Variants in BCAN observed in about 807,000 individuals in gnomAD.
The protein encoded by BCAN is brevican core protein.
Under a neutral mutation model 92.4 loss-of-function variants are expected in BCAN, and 51 were observed. The observed-to-expected ratio is 0.55, with a 90% CI of 0.44 to 0.70. BCAN has a LOEUF of 0.70. Ranked by LOEUF, BCAN falls within the 30% of genes least tolerant of loss-of-function variation. The pLI is 0.00. For missense variants in BCAN, 1,140 were observed against 1,212.1 expected, an observed-to-expected ratio of 0.94 and a Z score of 0.88; for synonymous variants, 501 against 505.2, an observed-to-expected ratio of 0.99 and a Z score of 0.11.
rs1679367898 is a variant in BCAN, at chr1:156,657,298, G to A, written c.2209+202G>A. 4 of 807,396 alleles carry A rather than the reference G, an allele frequency of 5.0e-6. No individual in the cohort carries two copies. In the Admixed American group the frequency reaches 1.2e-4, roughly 24 times the overall value. The allele number at this position is 807,396 out of a possible 1,614,324, so 50.0% of individuals were successfully genotyped here. A position where few individuals can be genotyped will look rare whatever the true frequency, so the allele number is the denominator to read the frequency against. On this transcript the variant is annotated intron_variant, in intron 10 of 13. Transcript: ENST00000329117. Reference sequence around the variant, plus strand: ...AGGCAGTGGCCTTCGGGAACGGAGAGTGGAGGTTCGCGCAGTAGAGTGCGC... The same window carrying A: ...AGGCAGTGGCCTTCGGGAACGGAGAATGGAGGTTCGCGCAGTAGAGTGCGC...
In BCAN at chr1:156,652,532, G is replaced by A. The variant is rs776866917; in HGVS notation, c.1582G>A (p.Glu528Lys). The A allele has an allele frequency of 1.2e-6, 2 of 1,613,334 alleles. No individual in the cohort carries two copies. The highest frequency in any genetic ancestry group is 2.2e-5 in the South Asian group (2 of 90,910). Residue 528 changes from glutamate (E) to lysine (K), a missense_variant, in exon 8 of 14, where the codon GAA (glutamate) becomes AAA (lysine). By Grantham distance (56) the Glu-to-Lys change is moderately conservative. This residue lies in a region of BCAN where 825 missense variants were observed against 871.8 expected (regional missense o/e 0.95). Coordinates refer to ENST00000329117, the MANE Select transcript of BCAN (RefSeq NM_021948.5). ...GASPLPDGES[E>K]ASRPPRVHGP... is the part of the protein sequence containing the mutation. The stretch of plus-strand genomic sequence containing the variant: ...ATCACCACTTCCTGATGGAGAGTCA[G>A]AAGCTTCCAGGCCTCCAAGGGTCCA...
Position 156,658,352 on chromosome 1 carries a change from G to C in BCAN, c.2437+81G>C. The C allele has an allele frequency of 6.4e-7, 1 of 1,561,876 alleles. No individual in the cohort carries two copies. On this transcript the variant is annotated intron_variant, in intron 12 of 13. Transcript: ENST00000329117. The surrounding 1 kb of genome is among the most constrained non-coding windows in gnomAD (Gnocchi z 4.4). ...CCAGAGGGACTGATGTTTGTAGACA[G>C]AGAGTGCAAAGCAACATAGAGGAGT... is the stretch of plus-strand genomic sequence containing the variant.
chr1:156,656,178 A>G (rs1438799517), intron 8 of BCAN, 104 bp from the exon 9 acceptor site: 4 of 694,254 alleles, frequency 5.8e-6, no homozygotes, highest in Non-Finnish European at 8.9e-6. Context: ...CTTCCAGGAC[A>G]GAGAGACCAG....
chr1:156,659,157 C>T lies in BCAN; in HGVS notation c.*23C>T, dbSNP rs369312585. 9.7e-5 allele frequency: 149 copies of T among 1,529,796 alleles called. No homozygotes were observed. Among genetic ancestry groups the T allele is most frequent in the African/African-American group, 8.3e-4 (60 of 72,576 alleles). 94.8% of individuals were successfully genotyped at this position (1,529,796 alleles called of 1,614,324 possible). On this transcript the variant is annotated 3_prime_UTR_variant, in exon 14 of 14. Transcript: ENST00000329117. Reference sequence around the variant, plus strand: ...TAGGGGGCAAGGCCTTGAACACTGCCGGCCACAGCACTGCCCTGTCACCCA... The same window carrying T: ...TAGGGGGCAAGGCCTTGAACACTGCTGGCCACAGCACTGCCCTGTCACCCA...
At chr1:156,643,114 AC>A (rs1678844523) in intron 1 of BCAN, 1 of 152,208 alleles carries the variant, frequency 6.6e-6, no homozygotes, top group African/African-American at 2.4e-5. Flanking sequence ...TCCAAGGGGC[AC>A]CATTATTATC....
Position 156,658,314 on chromosome 1 carries a change from G to T in BCAN, c.2437+43G>T. 6.2e-7 allele frequency: 1 copy of T among 1,605,084 alleles called. No homozygotes were observed. Among genetic ancestry groups the T allele is most frequent in the Non-Finnish European group, 8.5e-7 (1 of 1,175,054 alleles). On this transcript the variant is annotated intron_variant, in intron 12 of 13. Transcript: ENST00000329117. This position sits in a 1 kb window ranked among gnomAD's most constrained non-coding sequence, Gnocchi z 4.4. ...AGGGTCCCAGCAAGGAAGTGGAGGG[G>T]TGGGCTAGGGGACCAGAGGGACTGA...
Position 156,652,288 on chromosome 1 carries a change from A to G in BCAN, c.1338A>G (p.Ser446=), listed in dbSNP as rs1679190006. 2 of 1,609,820 alleles carry G rather than the reference A, an allele frequency of 1.2e-6. No individual in the cohort carries two copies. Among genetic ancestry groups the G allele is most frequent in the African/African-American group, 1.3e-5 (1 of 74,820 alleles). ...TQSMVPPTGF[S]EEEGKALEEE... The stretch of plus-strand genomic sequence containing the variant: ...CCATGGTACCGCCCACGGGGTTCTC[A>G]GAAGAGGAAGGTAAGGCATTGGAGG... Residue 446 remains serine (S), a synonymous_variant, in exon 8 of 14, where the codon TCA becomes TCG. Coordinates refer to ENST00000329117, the MANE Select transcript of BCAN (RefSeq NM_021948.5).
intron 8 of BCAN, chr1:156,653,448 C>G: frequency 1.0e-6 from 1 of 990,302 alleles, no homozygotes; most frequent in Non-Finnish European, 1.2e-6. Flanking sequence ...GGAAATAAAT[C>G]TCTATTAAAC....
rs1278148864 is a variant in BCAN, at chr1:156,646,856, C to T, written c.147C>T (p.Leu49=). 8.1e-6 allele frequency: 13 copies of T among 1,606,378 alleles called. No individual in the cohort carries two copies. The highest frequency in any genetic ancestry group is 1.0e-5 in the Non-Finnish European group (12 of 1,176,338). The change falls in exon 3 of 14, where the codon CTC becomes CTT. Residue 49 remains leucine, a synonymous_variant. Coordinates refer to ENST00000329117, the MANE Select transcript of BCAN (RefSeq NM_021948.5). The part of the protein sequence containing the change: ...IAGDAPLQGV[L]GGALTIPCHV... The stretch of plus-strand genomic sequence containing the variant: ...GCGACGCGCCACTGCAGGGCGTGCT[C>T]GGCGGCGCCCTCACCATCCCTTGCC...
rs756822830 is a variant in BCAN at position 156,656,336 on chromosome 1, A to C, written c.1997A>C (p.Glu666Ala). Reference sequence around the variant, plus strand: ...GGTGGGACATGCTTGGAGGAGGAGGAAGGGGTCCGCTGCCTATGTCTGCCT... The same window carrying C: ...GGTGGGACATGCTTGGAGGAGGAGGCAGGGGTCCGCTGCCTATGTCTGCCT... ...HNGGTCLEEEEGVRCLCLPGY... is the reference protein window; with the variant it reads ...HNGGTCLEEEAGVRCLCLPGY... The change falls in exon 9 of 14, where the codon GAA (glutamate) becomes GCA (alanine). Residue 666 changes from glutamate to alanine, a missense_variant. Transcript: ENST00000329117. 10 of 1,424,502 alleles carry C rather than the reference A, an allele frequency of 7.0e-6. No individual in the cohort carries two copies. The highest frequency in any genetic ancestry group is 9.1e-6 in the Non-Finnish European group (10 of 1,093,720). The allele number at this position is 1,424,502 out of a possible 1,614,324, so 88.2% of individuals were successfully genotyped here. A position where few individuals can be genotyped will look rare whatever the true frequency, so the allele number is the denominator to read the frequency against.
Position 156,646,969 on chromosome 1 carries a change from A to G in BCAN, c.260A>G (p.Glu87Gly), listed in dbSNP as rs1391059307. The G allele has an allele frequency of 2.5e-6, 4 of 1,612,734 alleles. No homozygotes were observed. The highest frequency in any genetic ancestry group is 3.4e-6 in the Non-Finnish European group (4 of 1,179,566). ...VKWTFLSRGR[E>G]AEVLVARGVR... is the part of the protein sequence containing the mutation. ...TGGACTTTCCTGTCCCGGGGCCGGG[A>G]GGCAGAGGTGCTGGTGGCGCGGGGA... is the stretch of plus-strand genomic sequence containing the variant. The change falls in exon 3 of 14, where the codon GAG becomes GGG. Residue 87 changes from glutamate to glycine, a missense_variant. Glu to Gly is a moderately conservative substitution (Grantham distance 98, BLOSUM62 -2). This residue lies in a region of BCAN where 286 missense variants were observed against 284.1 expected (regional missense o/e 1.01). Transcript: ENST00000329117.
At chr1:156,653,018 C>G (rs762109007) in intron 8 of BCAN, 126 bp downstream of exon 8, 1 of 1,523,510 alleles carries the variant, frequency 6.6e-7, no homozygotes, top group South Asian at 1.3e-5. Flanking sequence ...CCTTTGCCTT[C>G]ATTCTCTTAC....
intron 1 of BCAN, chr1:156,644,638 T>C (rs1251451278): frequency 6.6e-6 from 1 of 151,728 alleles, no homozygotes; most frequent in Non-Finnish European, 1.5e-5. Context: ...CCAGACACAG[T>C]GGGGGAGATG....
chr1:156,651,064 C>A (rs1228804445), intron 6 of BCAN, among the ~76,000 whole-genome samples: 1 of 152,250 alleles, frequency 6.6e-6, no homozygotes, highest in Non-Finnish European at 1.5e-5. Flanking sequence ...TAGGGAATAT[C>A]TCTCACCTGA....
Position 156,648,763 on chromosome 1 carries a change from G to A in BCAN, c.965G>A (p.Cys322Tyr), listed in dbSNP as rs757103146. The A allele has an allele frequency of 2.5e-6, 4 of 1,611,568 alleles. No homozygotes were observed. The highest frequency in any genetic ancestry group is 2.5e-6 in the Non-Finnish European group (3 of 1,177,898). ...CCCATCGTCACACCCAGCCAGCGCT[G>A]TGGTGGGGGCTTGCCTGGTGTCAAG... ...RYPIVTPSQR[C>Y]GGGLPGVKTL... The change falls in exon 6 of 14, where the codon TGT becomes TAT. Residue 322 changes from cysteine (C) to tyrosine (Y), a missense_variant. Coordinates refer to ENST00000329117, the MANE Select transcript of BCAN (RefSeq NM_021948.5).
chr1:156,652,402 C>T lies in BCAN; in HGVS notation c.1452C>T (p.Ser484=), dbSNP rs746563491. 3.1e-6 allele frequency: 5 copies of T among 1,608,030 alleles called. No individual in the cohort carries two copies. The highest frequency in any genetic ancestry group is 4.5e-5 in the East Asian group (2 of 44,578). The change falls in exon 8 of 14, where the codon AGC becomes AGT. Residue 484 remains serine, a synonymous_variant. Transcript: ENST00000329117. ...VEDEALWAWP[S]ELSSPGPEAS... The stretch of plus-strand genomic sequence containing the variant: ...ATGAGGCTCTGTGGGCATGGCCCAG[C>T]GAGCTCAGCAGCCCGGGCCCTGAGG...
intron 8 of BCAN, chr1:156,653,340 C>T (rs1022214973): frequency 2.6e-5 from 27 of 1,049,700 alleles, no homozygotes; most frequent in Non-Finnish European, 3.0e-5. Flanking sequence ...CTTCTCACCC[C>T]TCAACCTCCG....
rs765077170 is a variant in BCAN, at chr1:156,646,146, G to A, written c.91+1G>A. On this transcript the variant is annotated splice_donor_variant, in intron 2 of 13. Transcript: ENST00000329117. LOFTEE classifies it high-confidence loss of function. ...GATGTTCTGGAAGGAGACAGCTCAGGTAAGCAACCCCACTTGGGGTCACCG... is the reference window on the plus strand; with the variant it reads ...GATGTTCTGGAAGGAGACAGCTCAGATAAGCAACCCCACTTGGGGTCACCG... The A allele has an allele frequency of 2.5e-6, 4 of 1,613,270 alleles. No homozygotes were observed. Among genetic ancestry groups the A allele is most frequent in the Non-Finnish European group, 3.4e-6 (4 of 1,179,332 alleles).
rs74118726 is a variant in BCAN, at chr1:156,657,846, C to A, written c.2292+89C>A. Reference sequence around the variant, plus strand: ...CACCCCCACCCCTCCCGACCCTGTCCCCTTCTTTTTCCGGCCTCCTTCCCT... The same window carrying A: ...CACCCCCACCCCTCCCGACCCTGTCACCTTCTTTTTCCGGCCTCCTTCCCT... On this transcript the variant is annotated intron_variant, in intron 11 of 13. Coordinates refer to ENST00000329117, the MANE Select transcript of BCAN (RefSeq NM_021948.5). 2.1e-3 allele frequency: 2,410 copies of A among 1,166,002 alleles called. 37 individuals carry two copies. In the African/African-American group the frequency reaches 0.033, roughly 16 times the overall value. 72.2% of individuals were successfully genotyped at this position (1,166,002 alleles called of 1,614,324 possible). A position where few individuals can be genotyped will look rare whatever the true frequency, so the allele number is the denominator to read the frequency against.
Sources: allele counts gnomAD v4.1 joint callset (sites outside exome capture counted in the v4.1 genomes callset), GRCh38; gene constraint gnomAD v4.1.1; regional missense constraint gnomAD v4.1.1; non-coding constraint Gnocchi (gnomAD v3.1); transcripts MANE v1.5; gene names NCBI Gene and HGNC (gene_info 2026-07-23, HGNC 2026-07-21).